GRIK1: variants seen among roughly 807,000 people sequenced by gnomAD.
The protein encoded by GRIK1 is glutamate receptor ionotropic, kainate 1.
A neutral mutation model predicts 105.7 loss-of-function variants in GRIK1; 69 were observed. That is an observed-to-expected ratio of 0.65 (90% CI 0.54 to 0.80). The LOEUF (loss-of-function observed/expected upper bound fraction) is 0.80. GRIK1 is among the 30% of genes least tolerant of loss of function. The probability of loss-of-function intolerance (pLI) is 0.00; values close to 1 mark genes in which losing one functional copy is unlikely to be tolerated. For synonymous variants in GRIK1, 438 were observed against 431.3 expected (o/e 1.02, Z -0.19); for missense variants, 1,109 against 1,167.3 (o/e 0.95, Z 0.73).
At chr21:29,648,664 G>C (rs1366420356) in intron 6 of GRIK1, among the ~76,000 whole-genome samples, 1 of 152,100 alleles carries the variant, frequency 6.6e-6, no homozygotes, top group East Asian at 1.9e-4. Context: ...ATTCTTGTAG[G>C]GAAGGTACTG....
intron 1 of GRIK1, among the ~76,000 whole-genome samples, chr21:29,729,064 G>T (rs1442279453): frequency 6.6e-6 from 1 of 152,084 alleles, no homozygotes; most frequent in Non-Finnish European, 1.5e-5. Context: ...TTTCCCCAAG[G>T]AGTAAGATGA....
At chr21:29,579,856 A>G (rs937764168) in intron 13 of GRIK1, among the ~76,000 whole-genome samples, 4 of 151,732 alleles carry the variant, frequency 2.6e-5, no homozygotes, top group African/African-American at 9.7e-5. Flanking sequence ...TGAAAGATAA[A>G]TTCCGGGGGT....
intron 1 of GRIK1, among the ~76,000 whole-genome samples, chr21:29,874,337 T>C (rs2069119689): frequency 6.6e-6 from 1 of 152,188 alleles, no homozygotes; most frequent in African/African-American, 2.4e-5. Flanking sequence ...AATGGCTTAC[T>C]GCATGAACCA....
intron 14 of GRIK1, 133 bp from the exon 15 acceptor site, chr21:29,561,982 T>G: frequency 1.6e-6 from 1 of 641,602 alleles, no homozygotes; most frequent in South Asian, 1.8e-5. Flanking sequence ...TCAAGATTGA[T>G]GATCTCAAGG....
intron 1 of GRIK1, among the ~76,000 whole-genome samples, chr21:29,730,541 C>T (rs1471641739): frequency 2.0e-5 from 3 of 152,210 alleles, no homozygotes; most frequent in Non-Finnish European, 4.4e-5. Flanking sequence ...AGGGAAATTT[C>T]ATCTGCTCAC....
At chr21:29,866,825 T>C (rs2068819065) in intron 1 of GRIK1, among the ~76,000 whole-genome samples, 1 of 152,202 alleles carries the variant, frequency 6.6e-6, no homozygotes, top group African/African-American at 2.4e-5. Context: ...TTCTGACATT[T>C]CTTGTCACAA....
Position 29,693,936 on chromosome 21 carries a change from C to T in GRIK1, c.246G>A (p.Gln82=). 1 of 1,613,560 alleles carries T rather than the reference C, an allele frequency of 6.2e-7. No homozygotes were observed. The highest frequency in any genetic ancestry group is 8.5e-7 in the Non-Finnish European group (1 of 1,179,558). ...CAAAACTATCAAAAAGGTTAATTCT[C>T]TGGATGTCATAGGTTAATGTGGTGT... is the stretch of plus-strand genomic sequence containing the variant. ...MPNTTLTYDI[Q]RINLFDSFEA... is the part of the protein sequence containing the mutation. The change falls in exon 2 of 18, where the codon CAG becomes CAA. Residue 82 remains glutamine, a synonymous_variant. Transcript: ENST00000327783.
intron 16 of GRIK1, 139 bp from the exon 17 acceptor site, chr21:29,538,023 G>A: frequency 1.6e-6 from 1 of 607,658 alleles, no homozygotes; most frequent in Non-Finnish European, 2.9e-6. Context: ...AAAAACGATG[G>A]CATAATACAA....
chr21:29,772,912 G>A (rs945566527), intron 1 of GRIK1, among the ~76,000 whole-genome samples: 2 of 152,124 alleles, frequency 1.3e-5, no homozygotes, highest in African/African-American at 4.8e-5. Context: ...CTGTGTCAAT[G>A]TTAATGTCCT....
chr21:29,853,665 CCATTT>C (rs1333142145), intron 1 of GRIK1, among the ~76,000 whole-genome samples: 1 of 152,160 alleles, frequency 6.6e-6, no homozygotes, highest in Non-Finnish European at 1.5e-5. Context: ...CTGATTTCCT[CCATTT>C]ATTAGCATAT....
Position 29,765,086 on chromosome 21 carries a change from C to T in GRIK1, c.119-71023G>A, listed in dbSNP as rs540820379. On this transcript the variant is annotated intron_variant, in intron 1 of 17. Coordinates refer to ENST00000327783, the MANE Select transcript of GRIK1 (RefSeq NM_001330994.2). ...TATTTCCTTTAAAAGATCATGACCT[C>T]TTTGCATTTCTGTCTCCCTTCTTAT... Among the ~76,000 whole-genome samples the T allele has an allele frequency of 4.6e-5, 7 of 152,306 alleles. No homozygotes were observed. The South Asian group carries it at 1.0e-3, about 23-fold the overall frequency.
At position 29,608,902 on chromosome 21, in the gene GRIK1, C is replaced by G. The variant is rs190128614; in HGVS notation, c.1099-9965G>C. Among the ~76,000 whole-genome samples, 5 of 151,928 alleles carry G rather than the reference C, an allele frequency of 3.3e-5. No homozygotes were observed. The South Asian group carries it at 8.3e-4, about 25-fold the overall frequency. On this transcript the variant is annotated intron_variant, in intron 7 of 17. Coordinates refer to ENST00000327783, the MANE Select transcript of GRIK1 (RefSeq NM_001330994.2). ...GATTTTCAGGACTCTTTTTAATAGT[C>G]CAGGAGCAGAAGACCTTTGAAAACC... is the stretch of plus-strand genomic sequence containing the variant.
intron 1 of GRIK1, among the ~76,000 whole-genome samples, chr21:29,929,410 C>G (rs1489831678): frequency 6.6e-6 from 1 of 152,176 alleles, no homozygotes; most frequent in Non-Finnish European, 1.5e-5. Context: ...ATTCTACCAT[C>G]TTAACAAAAC....
In GRIK1 at chr21:29,895,173, T is replaced by A. The variant is rs181124316; in HGVS notation, c.118+44210A>T. ...GGAGGCAAAAAGAACTAATCTAGAA[T>A]GACCTTGAGATTTCAAGTGTGGTCA... On this transcript the variant is annotated intron_variant, in intron 1 of 17. Coordinates refer to ENST00000327783, the MANE Select transcript of GRIK1 (RefSeq NM_001330994.2). Among the ~76,000 whole-genome samples the A allele has an allele frequency of 5.3e-5, 8 of 152,280 alleles. No individual in the cohort carries two copies. The East Asian group carries it at 1.6e-3, about 30-fold the overall frequency.
intron 4 of GRIK1, among the ~76,000 whole-genome samples, chr21:29,659,855 G>A (rs183361606): frequency 3.9e-5 from 6 of 152,090 alleles, no homozygotes; most frequent in Admixed American, 1.3e-4. Context: ...CCAGCTACTC[G>A]GGAGGCTGAG....
chr21:29,650,943 T>C (rs1022144615), intron 6 of GRIK1, among the ~76,000 whole-genome samples, 175 bp downstream of exon 6: 1 of 152,222 alleles, frequency 6.6e-6, no homozygotes, highest in Non-Finnish European at 1.5e-5. Context: ...TAGCAGTTTT[T>C]GCTAGTAGCC....
intron 1 of GRIK1, among the ~76,000 whole-genome samples, chr21:29,772,399 G>A (rs144062496): frequency 1.1e-3 from 166 of 152,270 alleles, no homozygotes; most frequent in South Asian, 3.7e-3. Context: ...ACCGTTTCCT[G>A]CCCTCTTGAA....
intron 7 of GRIK1, among the ~76,000 whole-genome samples, chr21:29,640,266 A>T (rs987047786): frequency 6.6e-6 from 1 of 151,980 alleles, no homozygotes; most frequent in African/African-American, 2.4e-5. Flanking sequence ...TTATGCACTC[A>T]TCTGAAAAAA....
chr21:29,609,754 G>A (rs980383613), intron 7 of GRIK1, among the ~76,000 whole-genome samples: 2 of 152,130 alleles, frequency 1.3e-5, no homozygotes, highest in Non-Finnish European at 1.5e-5. Context: ...GACTCAGACT[G>A]AATTACACCA....
Sources: allele counts gnomAD v4.1 joint callset (sites outside exome capture counted in the v4.1 genomes callset), GRCh38; gene constraint gnomAD v4.1.1; transcripts MANE v1.5; gene names NCBI Gene and HGNC (gene_info 2026-07-23, HGNC 2026-07-21).